Variants in SPEF2 observed in about 807,000 individuals in gnomAD.
The protein encoded by SPEF2 is sperm flagellar and cilia associated 2.
In SPEF2, 187 loss-of-function variants were observed where a neutral mutation model predicts 224.6. That is an observed-to-expected ratio of 0.83 (90% confidence interval 0.74 to 0.94). The LOEUF is 0.94. Ranked by LOEUF, SPEF2 falls within the 40% of genes least tolerant of loss-of-function variation. The probability of loss-of-function intolerance (pLI) is 0.00; values close to 1 mark genes in which losing one functional copy is unlikely to be tolerated. For missense variants in SPEF2, 2,170 were observed against 2,135.6 expected (o/e 1.02, Z -0.32); for synonymous variants, 715 against 707.3 (o/e 1.01, Z -0.17).
intron 18 of SPEF2, among the ~76,000 whole-genome samples, chr5:35,707,602 C>A (rs904189350): frequency 2.6e-5 from 4 of 152,038 alleles, no homozygotes; most frequent in Non-Finnish European, 5.9e-5. Flanking sequence ...AGCTGTGGGC[C>A]TCTGCAGTGT....
chr5:35,792,967 G>C (rs1756163191), intron 31 of SPEF2, among the ~76,000 whole-genome samples, 192 bp from the exon 32 acceptor site: 1 of 152,198 alleles, frequency 6.6e-6, no homozygotes, highest in Admixed American at 6.5e-5. Context: ...AGCAAAAAAT[G>C]AAACACTTTC....
intron 23 of SPEF2, among the ~76,000 whole-genome samples, chr5:35,747,978 C>A (rs1339358768): frequency 6.6e-6 from 1 of 152,108 alleles, no homozygotes; most frequent in African/African-American, 2.4e-5. Flanking sequence ...GAAATTATAT[C>A]AAGCACTCTC....
chr5:35,790,239 A>T, intron 30 of SPEF2: 1 of 672,898 alleles, frequency 1.5e-6, no homozygotes, highest in East Asian at 2.7e-5. Context: ...TATTCAGTTG[A>T]ATTCTCCAGA....
chr5:35,775,788 G>A (rs770416232), intron 28 of SPEF2, among the ~76,000 whole-genome samples: 1 of 152,056 alleles, frequency 6.6e-6, no homozygotes, highest in Non-Finnish European at 1.5e-5. Context: ...AAGAGAAACT[G>A]GAAAAATTTT....
intron 36 of SPEF2, among the ~76,000 whole-genome samples, chr5:35,812,037 C>A (rs1194405202): frequency 6.6e-6 from 1 of 152,068 alleles, no homozygotes; most frequent in Non-Finnish European, 1.5e-5. Flanking sequence ...ATCCGCCCAC[C>A]TTGGCCTCCC....
chr5:35,657,836 T>A (rs748061650), intron 7 of SPEF2, among the ~76,000 whole-genome samples: 3 of 152,212 alleles, frequency 2.0e-5, no homozygotes, highest in Admixed American at 1.3e-4. Context: ...CTTCTAAGAA[T>A]CTTTTCTATG....
chr5:35,722,086 A>AGAG (rs2149636169), intron 20 of SPEF2, among the ~76,000 whole-genome samples: 1 of 151,136 alleles, frequency 6.6e-6, no homozygotes, highest in African/African-American at 2.5e-5. Flanking sequence ...AGGGTGGAGA[A>AGAG]GAGGAAAGAA....
intron 34 of SPEF2, among the ~76,000 whole-genome samples, chr5:35,800,374 G>C (rs1246203795): frequency 6.6e-6 from 1 of 152,170 alleles, no homozygotes; most frequent in African/African-American, 2.4e-5. Flanking sequence ...TTTATTCAAA[G>C]TGTCTTGGTG....
At position 35,655,940 on chromosome 5, in the gene SPEF2, T is replaced by A. The variant is rs1202662674; in HGVS notation, c.978+1214T>A. Among the ~76,000 whole-genome samples the A allele has an allele frequency of 2.6e-5, 4 of 152,328 alleles. No individual in the cohort carries two copies. The East Asian group carries it at 7.7e-4, about 29-fold the overall frequency. On this transcript the variant is annotated intron_variant, in intron 7 of 36. Coordinates refer to ENST00000356031, the MANE Select transcript of SPEF2 (RefSeq NM_024867.4). ...AAGGGCAATCCAAGTCTGTTGTTGC[T>A]GTAATTCAGGTAAGAGATTATCCCA...
At chr5:35,676,397 C>G (rs1580225527) in intron 10 of SPEF2, among the ~76,000 whole-genome samples, 1 of 152,248 alleles carries the variant, frequency 6.6e-6, no homozygotes, top group East Asian at 1.9e-4. Flanking sequence ...CTCGGAATTA[C>G]CAGCTAGGAT....
At chr5:35,791,306 C>A (rs1313628713) in intron 30 of SPEF2, among the ~76,000 whole-genome samples, 1 of 152,138 alleles carries the variant, frequency 6.6e-6, no homozygotes, top group African/African-American at 2.4e-5. Context: ...ACTCTTGCTA[C>A]CCAGAAAATT....
chr5:35,744,332 T>C (rs1057492496), intron 23 of SPEF2, among the ~76,000 whole-genome samples: 1 of 152,236 alleles, frequency 6.6e-6, no homozygotes, highest in Non-Finnish European at 1.5e-5. Context: ...AGTTCCCTAA[T>C]TCTTGCTAAA....
chr5:35,727,812 C>A lies in SPEF2; in HGVS notation c.3052C>A (p.Pro1018Thr). The change falls in exon 21 of 37, where the codon CCA (proline) becomes ACA (threonine). Residue 1018 changes from proline to threonine, a missense_variant. Physicochemically the swap from Pro to Thr is conservative, Grantham distance 38 (BLOSUM62 -1). Transcript: ENST00000356031. ...AGAAGAATGGGTCTATGTGAATGAACCAGTTCCTGAGGTATGGCCATTTAG... is the reference window on the plus strand; with the variant it reads ...AGAAGAATGGGTCTATGTGAATGAAACAGTTCCTGAGGTATGGCCATTTAG... ...GSEEWVYVNEPVPEEMPLFLV... is the reference protein window; with the variant it reads ...GSEEWVYVNETVPEEMPLFLV... 2 of 1,612,084 alleles carry A rather than the reference C, an allele frequency of 1.2e-6. No individual in the cohort carries two copies. Among genetic ancestry groups the A allele is most frequent in the Admixed American group, 1.7e-5 (1 of 59,654 alleles).
At chr5:35,739,858 A>C (rs10043875) in intron 21 of SPEF2, 61 bp from the exon 22 acceptor site, 2 of 1,587,030 alleles carry the variant, frequency 1.3e-6, no homozygotes, top group Admixed American at 1.8e-5. Context: ...TTCTTTTGAC[A>C]CTATTATTCA....
chr5:35,786,489 G>A (rs1032673165), intron 30 of SPEF2, among the ~76,000 whole-genome samples: 4 of 151,844 alleles, frequency 2.6e-5, no homozygotes, highest in East Asian at 1.9e-4. Flanking sequence ...GTGAAACCCC[G>A]TCTCTAATAA....
intron 30 of SPEF2, among the ~76,000 whole-genome samples, chr5:35,785,894 C>T (rs1353821218): frequency 6.6e-6 from 1 of 152,016 alleles, no homozygotes; most frequent in Non-Finnish European, 1.5e-5. Context: ...GCAGCTGCTC[C>T]ATTTTCCCCT....
chr5:35,728,173 A>G, intron 21 of SPEF2, among the ~76,000 whole-genome samples: 1 of 152,212 alleles, frequency 6.6e-6, no homozygotes, highest in East Asian at 1.9e-4. Flanking sequence ...ATATTTTAAT[A>G]TCCCCATCAC....
chr5:35,789,410 T>C, intron 30 of SPEF2: 1 of 696,454 alleles, frequency 1.4e-6, no homozygotes, highest in Non-Finnish European at 2.6e-6. Flanking sequence ...TCTGTCAAAC[T>C]AGACAGTTTG....
At chr5:35,716,846 C>G (rs1192694618) in intron 20 of SPEF2, among the ~76,000 whole-genome samples, 1 of 152,140 alleles carries the variant, frequency 6.6e-6, no homozygotes, top group Non-Finnish European at 1.5e-5. Flanking sequence ...GAGGAACCAT[C>G]TATTTTTTCC....
Sources: gnomAD v4.1 joint callset for allele counts (sites outside exome capture counted in the v4.1 genomes callset) on GRCh38, gnomAD v4.1.1 for gene constraint, MANE v1.5 for transcripts, NCBI Gene and HGNC (gene_info 2026-07-23, HGNC 2026-07-21) for gene names.